The following TGM3 variants were observed in gnomAD, a reference collection of about 807,000 sequenced individuals.
TGM3 encodes the protein protein-glutamine gamma-glutamyltransferase E.
A neutral mutation model predicts 73.8 loss-of-function variants in TGM3; 52 were observed. That is an observed-to-expected ratio of 0.70 (90% CI 0.56 to 0.89). The LOEUF is 0.89. TGM3 is among the 40% of genes least tolerant of loss of function. The pLI is 0.00. For missense variants in TGM3, 928 were observed against 909.9 expected, an observed-to-expected ratio of 1.02 and a Z score of -0.26; for synonymous variants, 372 against 354.9, an observed-to-expected ratio of 1.05 and a Z score of -0.54.
At chr20:2,327,782 G>A (rs916220632) in intron 8 of TGM3, among the ~76,000 whole-genome samples, 4 of 152,226 alleles carry the variant, frequency 2.6e-5, no homozygotes, top group Admixed American at 2.6e-4. Context: ...AGGCCAGAAT[G>A]ACTTGCAGAG....
intron 1 of TGM3, among the ~76,000 whole-genome samples, chr20:2,306,774 G>A (rs961416291): frequency 2.3e-4 from 35 of 152,252 alleles, no homozygotes; most frequent in Non-Finnish European, 7.4e-5. Flanking sequence ...ACTGTACCCC[G>A]CCAGCCCTTC....
intron 5 of TGM3, among the ~76,000 whole-genome samples, chr20:2,315,006 G>A (rs1262852603): frequency 6.6e-6 from 1 of 152,184 alleles, no homozygotes; most frequent in South Asian, 2.1e-4. Context: ...AAGGAGTAAG[G>A]TGGGCCCAGG....
intron 1 of TGM3, 140 bp from the exon 2 acceptor site, chr20:2,309,517 T>C: frequency 1.3e-6 from 1 of 798,388 alleles, no homozygotes; most frequent in Admixed American, 2.3e-5. Flanking sequence ...GTCTTTGGAT[T>C]TTAATGTGAT....
At chr20:2,327,349 G>A (rs558417540) in intron 8 of TGM3, among the ~76,000 whole-genome samples, 5 of 152,140 alleles carry the variant, frequency 3.3e-5, no homozygotes, top group African/African-American at 9.6e-5. Context: ...GGTGGCGGGC[G>A]CCTGTAGTCC....
At chr20:2,329,297 C>T (rs1264620330) in intron 9 of TGM3, among the ~76,000 whole-genome samples, 1 of 152,102 alleles carries the variant, frequency 6.6e-6, no homozygotes, top group Non-Finnish European at 1.5e-5. Flanking sequence ...ATGGTGTTGG[C>T]CGAGTTTACA....
intron 7 of TGM3, among the ~76,000 whole-genome samples, chr20:2,323,471 C>T (rs904785692): frequency 1.2e-4 from 18 of 152,214 alleles, no homozygotes; most frequent in African/African-American, 3.9e-4. Context: ...TGAACTTTTG[C>T]TCCAACATTT....
At chr20:2,311,239 T>C (rs2122220188) in intron 4 of TGM3, 110 bp downstream of exon 4, 1 of 898,564 alleles carries the variant, frequency 1.1e-6, no homozygotes, top group East Asian at 2.4e-5. Context: ...TGCCTGCCCT[T>C]CTATTTGTTC....
Position 2,334,510 on chromosome 20 carries a change from G to A in TGM3, c.1643-606G>A, listed in dbSNP as rs1423708191. The stretch of plus-strand genomic sequence containing the variant: ...GGATGCTGTGGCAGTAGAACCCCAG[G>A]CTATTAGATGACGGGGAGGATCCTA... On this transcript the variant is annotated intron_variant, in intron 10 of 12. Coordinates refer to ENST00000381458, the MANE Select transcript of TGM3 (RefSeq NM_003245.4). The surrounding 1 kb of genome is among the most constrained non-coding windows in gnomAD (Gnocchi z 4.0). 6.6e-6 allele frequency among the ~76,000 whole-genome samples: 1 copy of A among 152,202 alleles called. No homozygotes were observed. The highest frequency in any genetic ancestry group is 1.9e-4 in the East Asian group (1 of 5,184).
intron 1 of TGM3, among the ~76,000 whole-genome samples, chr20:2,296,510 A>G (rs536182989): frequency 6.6e-6 from 1 of 152,212 alleles, no homozygotes; most frequent in African/African-American, 2.4e-5. Context: ...AGGGAGTGAG[A>G]GTGGTAACAT....
Position 2,325,954 on chromosome 20 carries a change from T to A in TGM3, c.1087+2T>A. 6.3e-7 allele frequency: 1 copy of A among 1,587,946 alleles called. No homozygotes were observed. Among genetic ancestry groups the A allele is most frequent in the Non-Finnish European group, 8.6e-7 (1 of 1,165,514 alleles). On this transcript the variant is annotated splice_donor_variant, in intron 8 of 12. Transcript: ENST00000381458. LOFTEE classifies it high-confidence loss of function. ...CTACCCCGCAGGAAAGAAGCCAAGGTAACTTCTCTGGGTGTGGTTCTGAGT... is the reference window on the plus strand; with the variant it reads ...CTACCCCGCAGGAAAGAAGCCAAGGAAACTTCTCTGGGTGTGGTTCTGAGT...
intron 4 of TGM3, among the ~76,000 whole-genome samples, chr20:2,312,563 C>T (rs1311647134): frequency 6.6e-6 from 1 of 152,148 alleles, no homozygotes; most frequent in Non-Finnish European, 1.5e-5. Flanking sequence ...AGCCACCTCC[C>T]ATGCATTCAC....
At position 2,340,509 on chromosome 20, in the gene TGM3, A is replaced by G. The variant is rs45518834; in HGVS notation, c.2010A>G (p.Gln670=). Residue 670 remains glutamine (Q), a synonymous_variant, in exon 13 of 13, where the codon CAA becomes CAG. Transcript: ENST00000381458. ...TGCCCTCCCGGAGTGGCACCAAGCA[A>G]CTGCTCGCCGACTTCTCCTGCAACA... ...DILPSRSGTK[Q]LLADFSCNKF... The G allele has an allele frequency of 6.2e-5, 100 of 1,614,156 alleles. No individual in the cohort carries two copies. The Admixed American group carries it at 1.6e-3, about 26-fold the overall frequency.
intron 9 of TGM3, among the ~76,000 whole-genome samples, chr20:2,330,741 C>T (rs1600706410): frequency 1.3e-5 from 2 of 152,254 alleles, no homozygotes; most frequent in South Asian, 2.1e-4. Flanking sequence ...TGAAGTGGCT[C>T]ATGCCTGTAA....
At chr20:2,296,103 T>C (rs1352152343) in intron 1 of TGM3, 33 bp downstream of exon 1, 5 of 1,549,830 alleles carry the variant, frequency 3.2e-6, no homozygotes, top group Middle Eastern at 2.1e-4. Flanking sequence ...ATCAGGTCCT[T>C]GCCAGAAGCC....
intron 7 of TGM3, among the ~76,000 whole-genome samples, chr20:2,318,582 T>C (rs2084247660): frequency 6.6e-6 from 1 of 152,240 alleles, no homozygotes. Flanking sequence ...TATCTGTAGA[T>C]ACACAGAGAT....
In TGM3 at chr20:2,315,824, T is replaced by C. The variant is rs535762939; in HGVS notation, c.670-1244T>C. On this transcript the variant is annotated intron_variant, in intron 5 of 12. Coordinates refer to ENST00000381458, the MANE Select transcript of TGM3 (RefSeq NM_003245.4). Reference sequence around the variant, plus strand: ...AACAGACCTTTGTGCAATCATCAAGTTGGCAAGTGGCAAGGTGGGGCTTGT... The same window carrying C: ...AACAGACCTTTGTGCAATCATCAAGCTGGCAAGTGGCAAGGTGGGGCTTGT... Among the ~76,000 whole-genome samples the C allele has an allele frequency of 1.4e-3, 210 of 152,322 alleles. 1 individual carries two copies. Among genetic ancestry groups the C allele is most frequent in the African/African-American group, 4.7e-3 (194 of 41,574 alleles).
chr20:2,306,472 C>CTT (rs33929365), intron 1 of TGM3, among the ~76,000 whole-genome samples: 29,935 of 127,872 alleles, frequency 0.23, 4,058 homozygotes, highest in East Asian at 0.44. Context: ...CTTTTCCTTT[C>CTT]TTTTTTTTTT....
At chr20:2,306,893 C>A (rs1469068062) in intron 1 of TGM3, among the ~76,000 whole-genome samples, 2 of 152,102 alleles carry the variant, frequency 1.3e-5, no homozygotes, top group African/African-American at 4.8e-5. Context: ...GGGCCATTTC[C>A]CTAGAGAGAT....
chr20:2,301,955 C>A (rs2084150580), intron 1 of TGM3, among the ~76,000 whole-genome samples: 1 of 152,246 alleles, frequency 6.6e-6, no homozygotes, highest in Admixed American at 6.5e-5. Flanking sequence ...CCTGCCTCGG[C>A]CTCCCAAAGT....
Sources: allele counts gnomAD v4.1 joint callset (sites outside exome capture counted in the v4.1 genomes callset), GRCh38; gene constraint gnomAD v4.1.1; non-coding constraint Gnocchi (gnomAD v3.1); transcripts MANE v1.5; gene names NCBI Gene and HGNC (gene_info 2026-07-23, HGNC 2026-07-21).